The following ARHGAP25 variants were observed in gnomAD, a reference collection of about 807,000 sequenced individuals.
ARHGAP25 encodes the protein Rho GTPase activating protein 25.
In ARHGAP25, 34 loss-of-function variants were observed where a neutral mutation model predicts 71.0. The observed-to-expected ratio is 0.48, with a 90% CI of 0.36 to 0.64. ARHGAP25 has a LOEUF of 0.64. Among genes scored for constraint, ARHGAP25 ranks in the 30% least tolerant of loss-of-function variants. ARHGAP25 has a pLI of 0.00. For missense variants in ARHGAP25, 706 were observed against 805.1 expected (o/e 0.88, Z 1.49); for synonymous variants, 282 against 296.5 (o/e 0.95, Z 0.50).
intron 2 of ARHGAP25, among the ~76,000 whole-genome samples, chr2:68,777,417 C>G (rs1434563858): frequency 1.3e-5 from 2 of 152,154 alleles, no homozygotes; most frequent in East Asian, 3.8e-4. Flanking sequence ...GTCACAGGAT[C>G]AAATGATATA....
At chr2:68,747,898 T>G (rs1675931842) in intron 1 of ARHGAP25, among the ~76,000 whole-genome samples, 1 of 152,254 alleles carries the variant, frequency 6.6e-6, no homozygotes, top group South Asian at 2.1e-4. Flanking sequence ...CTGTAAACAC[T>G]GCCATTTCTT....
chr2:68,781,446 A>G (rs946621149), intron 2 of ARHGAP25, among the ~76,000 whole-genome samples: 1 of 152,226 alleles, frequency 6.6e-6, no homozygotes, highest in Non-Finnish European at 1.5e-5. Context: ...ATAAAGCACC[A>G]TGCACACACA....
intron 1 of ARHGAP25, among the ~76,000 whole-genome samples, chr2:68,772,407 G>C (rs994602519): frequency 3.9e-5 from 6 of 152,188 alleles, no homozygotes; most frequent in Admixed American, 2.0e-4. Flanking sequence ...GCTAGAAGGG[G>C]GTCCTCCCTA....
At chr2:68,715,554 G>A (rs925788020) in intron 2 of ARHGAP25, among the ~76,000 whole-genome samples, 1 of 152,166 alleles carries the variant, frequency 6.6e-6, no homozygotes, top group Non-Finnish European at 1.5e-5. Context: ...TGCTTGGGAA[G>A]AGTAAGAGGC....
Position 68,798,502 on chromosome 2 carries a change from G to C in ARHGAP25, c.467-8771G>C, listed in dbSNP as rs567166866. ...CTGGGGCACAACAGTGAGAAAGAGA[G>C]AGAAAGAGGAGAGAGAAAAAAAAAA... On this transcript the variant is annotated intron_variant, in intron 4 of 10. Transcript: ENST00000409202. 1.6e-3 allele frequency among the ~76,000 whole-genome samples: 189 copies of C among 118,568 alleles called. 1 individual carries two copies. The highest frequency in any genetic ancestry group is 6.4e-3 in the African/African-American group (180 of 28,146). 77.8% of individuals were successfully genotyped at this position (118,568 alleles called of 152,430 possible). A position where few individuals can be genotyped will look rare whatever the true frequency, so the allele number is the denominator to read the frequency against.
intron 3 of ARHGAP25, among the ~76,000 whole-genome samples, chr2:68,787,557 G>T (rs1678845458): frequency 6.6e-6 from 1 of 152,168 alleles, no homozygotes; most frequent in African/African-American, 2.4e-5. Flanking sequence ...TTTTCCTTTT[G>T]GTAGGAAATG....
chr2:68,773,599 C>T (rs1677632574), intron 1 of ARHGAP25, among the ~76,000 whole-genome samples: 1 of 152,164 alleles, frequency 6.6e-6, no homozygotes, highest in South Asian at 2.1e-4. Context: ...CAATCCCCAC[C>T]ATTAGGCGAT....
intron 2 of ARHGAP25, among the ~76,000 whole-genome samples, chr2:68,724,571 G>A (rs1558599174): frequency 6.6e-6 from 1 of 152,132 alleles, no homozygotes; most frequent in Non-Finnish European, 1.5e-5. Context: ...AATATTTAAG[G>A]TTGAGGAAAG....
chr2:68,775,140 G>T, intron 1 of ARHGAP25, 81 bp from the exon 2 acceptor site: 1 of 1,610,666 alleles, frequency 6.2e-7, no homozygotes, highest in Non-Finnish European at 8.5e-7. Flanking sequence ...CCCCCTCTGG[G>T]GTTCCTCTCT....
chr2:68,767,370 T>A lies in ARHGAP25; in HGVS notation c.62-7851T>A, dbSNP rs920123145. Among the ~76,000 whole-genome samples the A allele has an allele frequency of 3.3e-5, 5 of 151,678 alleles. No homozygotes were observed. Among genetic ancestry groups the A allele is most frequent in the African/African-American group, 9.7e-5 (4 of 41,212 alleles). On this transcript the variant is annotated intron_variant, in intron 1 of 10. Coordinates refer to ENST00000409202, the MANE Select transcript of ARHGAP25 (RefSeq NM_001007231.3). The surrounding 1 kb of genome is among the most constrained non-coding windows in gnomAD (Gnocchi z 4.6). ...TCTGGGTGGAAACTGAGGGCCATCA[T>A]CCCGCAGTCTGATAACAGGATAGGT...
intron 1 of ARHGAP25, among the ~76,000 whole-genome samples, chr2:68,737,248 C>T (rs575100848): frequency 1.3e-5 from 2 of 152,140 alleles, no homozygotes; most frequent in Non-Finnish European, 2.9e-5. Flanking sequence ...CTTCCAGTCC[C>T]CTCTCCAGCA....
chr2:68,774,691 A>G, intron 1 of ARHGAP25: 2 of 971,944 alleles, frequency 2.1e-6, no homozygotes, highest in Non-Finnish European at 2.5e-6. Flanking sequence ...TGCGTTCCAC[A>G]GCGAGGTTGG....
rs184485743 is a variant in ARHGAP25 at position 68,727,165 on chromosome 2, T to C, written c.-18+16467T>C. Among the ~76,000 whole-genome samples, 353 of 152,274 alleles carry C rather than the reference T, an allele frequency of 2.3e-3. 7 individuals carry two copies. Among genetic ancestry groups the C allele is most frequent in the Admixed American group, 0.021 (317 of 15,284 alleles). On this transcript the variant is annotated intron_variant and NMD_transcript_variant, in intron 2 of 7. Transcript: ENST00000463483. ...ATTTGCTAAAAGCGTGGTTACTGGT[T>C]GAGTGCGTCTGCAACACGGGGGCCC...
chr2:68,819,306 G>T lies in ARHGAP25; in HGVS notation c.1187G>T (p.Ser396Ile), dbSNP rs770685966. ...GACCTCCGAATTTCTAGGACAGACA[G>T]CTTCAGTAGCATGGTAAGGTGCAGA... is the stretch of plus-strand genomic sequence containing the variant. Reference protein sequence around the residue: ...TEDLRISRTDSFSSMTSDSDT... With the variant: ...TEDLRISRTDIFSSMTSDSDT... The change falls in exon 9 of 11, where the codon AGC becomes ATC. Residue 396 changes from serine (S) to isoleucine (I), a missense_variant. Ser to Ile is a moderately radical substitution (Grantham distance 142). Coordinates refer to ENST00000409202, the MANE Select transcript of ARHGAP25 (RefSeq NM_001007231.3). 3.1e-6 allele frequency: 5 copies of T among 1,614,062 alleles called. No individual in the cohort carries two copies. The Admixed American group carries it at 8.3e-5, about 27-fold the overall frequency.
chr2:68,739,433 G>A (rs35766238), intron 1 of ARHGAP25, among the ~76,000 whole-genome samples: 8,215 of 152,268 alleles, frequency 0.054, 274 homozygotes, highest in Middle Eastern at 0.088. Context: ...GGAGAACTCT[G>A]TGGAGACTCC....
intron 10 of ARHGAP25, among the ~76,000 whole-genome samples, chr2:68,824,470 T>A (rs13402713): frequency 1.3e-5 from 2 of 151,978 alleles, no homozygotes; most frequent in Non-Finnish European, 2.9e-5. Flanking sequence ...TGGCCGGGCG[T>A]GGTGGCTCAC....
Position 68,754,768 on chromosome 2 carries a change from T to G in ARHGAP25, c.61+19508T>G, listed in dbSNP as rs75075629. Among the ~76,000 whole-genome samples, 1,306 of 152,342 alleles carry G rather than the reference T, an allele frequency of 8.6e-3. 19 individuals carry two copies. The highest frequency in any genetic ancestry group is 0.03 in the African/African-American group (1,241 of 41,592). On this transcript the variant is annotated intron_variant, in intron 1 of 10. Coordinates refer to ENST00000409202, the MANE Select transcript of ARHGAP25 (RefSeq NM_001007231.3). ...TTGATATTGTTAGTTTTTTAAAAAT[T>G]TATGTTAGTTATTCTAATATATTTG...
intron 4 of ARHGAP25, among the ~76,000 whole-genome samples, chr2:68,794,421 A>G (rs992410136): frequency 7.2e-5 from 11 of 152,082 alleles, no homozygotes; most frequent in South Asian, 6.2e-4. Flanking sequence ...CATATGACCT[A>G]TATTATTTTG....
At chr2:68,787,169 C>T (rs1209438275) in intron 3 of ARHGAP25, among the ~76,000 whole-genome samples, 2 of 152,176 alleles carry the variant, frequency 1.3e-5, no homozygotes, top group Admixed American at 6.5e-5. Flanking sequence ...TCAATTTCTC[C>T]CACCTTTTTG....
Sources: gnomAD v4.1 joint callset for allele counts (sites outside exome capture counted in the v4.1 genomes callset) on GRCh38, gnomAD v4.1.1 for gene constraint, Gnocchi (gnomAD v3.1) non-coding constraint, MANE v1.5 for transcripts, NCBI Gene and HGNC (gene_info 2026-07-23, HGNC 2026-07-21) for gene names.